The following ESR2 variants were observed in gnomAD, a reference collection of about 807,000 sequenced individuals.
The protein encoded by ESR2 is estrogen receptor beta.
Under a neutral mutation model 49.6 loss-of-function variants are expected in ESR2, and 36 were observed. The observed-to-expected ratio is 0.73, with a 90% confidence interval of 0.56 to 0.96. The LOEUF (loss-of-function observed/expected upper bound fraction) is 0.96, where lower values mean the gene tolerates loss of function less well. Ranked by LOEUF, ESR2 falls within the 40% of genes least tolerant of loss-of-function variation. ESR2 has a pLI of 0.00. For missense variants in ESR2, 714 were observed against 693.0 expected, an observed-to-expected ratio of 1.03 and a Z score of -0.34; for synonymous variants, 320 against 266.1, an observed-to-expected ratio of 1.20 and a Z score of -1.97.
intron 1 of ESR2, among the ~76,000 whole-genome samples, chr14:64,328,746 G>C (rs1452168243): frequency 6.6e-6 from 1 of 152,170 alleles, no homozygotes; most frequent in Non-Finnish European, 1.5e-5. Flanking sequence ...AGACAGCAAA[G>C]GGAAGCTAAT....
intron 7 of ESR2, among the ~76,000 whole-genome samples, chr14:64,247,773 T>C (rs945671089): frequency 6.6e-6 from 1 of 152,110 alleles, no homozygotes; most frequent in Admixed American, 6.6e-5. Flanking sequence ...TTGACAACCA[T>C]CCAGAAACTT....
chr14:64,324,663 T>C (rs2077367818), intron 1 of ESR2, among the ~76,000 whole-genome samples: 1 of 152,210 alleles, frequency 6.6e-6, no homozygotes, highest in African/African-American at 2.4e-5. Context: ...ATTTGCTGAG[T>C]AAGCATCTGA....
intron 1 of ESR2, among the ~76,000 whole-genome samples, chr14:64,290,688 C>T (rs1246607074): frequency 2.0e-5 from 3 of 152,162 alleles, no homozygotes; most frequent in African/African-American, 7.2e-5. Flanking sequence ...CAGGCGTGAG[C>T]CACCACACCC....
chr14:64,326,843 C>G (rs953078078), intron 1 of ESR2, among the ~76,000 whole-genome samples: 1 of 152,202 alleles, frequency 6.6e-6, no homozygotes, highest in Admixed American at 6.5e-5. Flanking sequence ...TTTAGGCCCC[C>G]CTTGCATTTT....
At chr14:64,324,525 C>T (rs1221240615) in intron 1 of ESR2, among the ~76,000 whole-genome samples, 2 of 152,156 alleles carry the variant, frequency 1.3e-5, no homozygotes, top group Non-Finnish European at 2.9e-5. Flanking sequence ...ATAGTCTAAT[C>T]TTTTAAAACA....
chr14:64,259,183 G>A (rs751562231), intron 5 of ESR2, among the ~76,000 whole-genome samples: 2 of 152,204 alleles, frequency 1.3e-5, no homozygotes, highest in Non-Finnish European at 1.5e-5. Context: ...TCTGGCAAAG[G>A]TGAAGATGCT....
chr14:64,269,208 C>T (rs1198704488), intron 3 of ESR2, among the ~76,000 whole-genome samples: 1 of 152,148 alleles, frequency 6.6e-6, no homozygotes, highest in Non-Finnish European at 1.5e-5. Context: ...ATAAGACTAA[C>T]ATTAAATTGA....
chr14:64,333,195 A>T (rs1246055618), intron 1 of ESR2, among the ~76,000 whole-genome samples: 1 of 152,190 alleles, frequency 6.6e-6, no homozygotes, highest in East Asian at 1.9e-4. Flanking sequence ...AAACTGATCA[A>T]TCAGGAGCAT....
At chr14:64,279,063 T>C (rs1042944018) in intron 3 of ESR2, among the ~76,000 whole-genome samples, 1 of 152,244 alleles carries the variant, frequency 6.6e-6, no homozygotes, top group African/African-American at 2.4e-5. Context: ...CAATCCCTTA[T>C]TGTAACCCAA....
At chr14:64,275,607 G>A (rs2076543917) in intron 3 of ESR2, among the ~76,000 whole-genome samples, 1 of 151,996 alleles carries the variant, frequency 6.6e-6, no homozygotes, top group Non-Finnish European at 1.5e-5. Context: ...GGAGGCTGAG[G>A]CAGGAGAATC....
At chr14:64,237,173 G>T (rs753756491) in intron 7 of ESR2, among the ~76,000 whole-genome samples, 28 of 151,984 alleles carry the variant, frequency 1.8e-4, no homozygotes, top group Non-Finnish European at 3.7e-4. Context: ...TGCTGGCCAG[G>T]CTGGTCTCAA....
At position 64,228,907 on chromosome 14, in the gene ESR2, T is replaced by A. The variant is rs916445425; in HGVS notation, c.*4230A>T. Among the ~76,000 whole-genome samples, 2 of 152,176 alleles carry A rather than the reference T, an allele frequency of 1.3e-5. No homozygotes were observed. The highest frequency in any genetic ancestry group is 2.9e-5 in the Non-Finnish European group (2 of 68,020). On this transcript the variant is annotated 3_prime_UTR_variant, in exon 9 of 9. Transcript: ENST00000341099. ...TAAGAGCTGCCACTGGAGCCAAAAT[T>A]CCAGCAAGTTTGAGAGCTATAAAGA...
upstream of ESR2, among the ~76,000 whole-genome samples, chr14:64,295,774 G>T (rs994493559): frequency 2.0e-5 from 3 of 152,248 alleles, no homozygotes; most frequent in African/African-American, 7.2e-5. Context: ...GGCCAGGCAT[G>T]GTGGCTCACA....
At chr14:64,295,976 G>A (rs1173234075), upstream of ESR2, among the ~76,000 whole-genome samples, 5 of 150,030 alleles carry the variant, frequency 3.3e-5, no homozygotes, top group East Asian at 2.0e-4. Context: ...CATGGGAGGC[G>A]GAGGTTGCAG....
At chr14:64,236,816 ACT>A (rs1185334497) in intron 7 of ESR2, among the ~76,000 whole-genome samples, 2 of 151,384 alleles carry the variant, frequency 1.3e-5, no homozygotes, top group African/African-American at 2.4e-5. Context: ...GTCCCCTGAT[ACT>A]CTGACAGTGC....
intron 1 of ESR2, among the ~76,000 whole-genome samples, chr14:64,300,270 C>A (rs975983871): frequency 3.3e-5 from 5 of 152,202 alleles, no homozygotes; most frequent in Admixed American, 6.5e-5. Flanking sequence ...TGCCTCCTTG[C>A]AAGAGATTCA....
At chr14:64,295,675 C>T (rs1448341503), upstream of ESR2, among the ~76,000 whole-genome samples, 1 of 152,132 alleles carries the variant, frequency 6.6e-6, no homozygotes, top group Non-Finnish European at 1.5e-5. Context: ...GTCCTGGGGT[C>T]TCTCAAAGTA....
chr14:64,325,529 T>C (rs1160751339), intron 1 of ESR2, among the ~76,000 whole-genome samples: 2 of 152,170 alleles, frequency 1.3e-5, no homozygotes, highest in African/African-American at 4.8e-5. Context: ...AATGAAGGTG[T>C]TATTGTAAAT....
downstream of ESR2, chr14:64,227,141 A>C (rs770930430): frequency 7.7e-5 from 17 of 221,136 alleles, no homozygotes; most frequent in Middle Eastern, 1.6e-3. Flanking sequence ...CCTAACCTGC[A>C]TCTGTTGGCA....
Sources: gnomAD v4.1 joint callset for allele counts (sites outside exome capture counted in the v4.1 genomes callset) on GRCh38, gnomAD v4.1.1 for gene constraint, MANE v1.5 for transcripts, NCBI Gene and HGNC (gene_info 2026-07-23, HGNC 2026-07-21) for gene names.